The following CNGB1 variants were observed in gnomAD, a reference collection of about 807,000 sequenced individuals.
The protein encoded by CNGB1 is cyclic nucleotide gated channel subunit beta 1, also known as cyclic nucleotide-gated channel beta-1.
A neutral mutation model predicts 151.7 loss-of-function variants in CNGB1; 126 were observed. That is an observed-to-expected ratio of 0.83 (90% CI 0.72 to 0.96). CNGB1 has a LOEUF of 0.96. Ranked by LOEUF, CNGB1 falls within the 40% of genes least tolerant of loss-of-function variation. CNGB1 has a pLI of 0.00. For synonymous variants in CNGB1, 623 were observed against 635.1 expected (o/e 0.98, Z 0.29); for missense variants, 1,698 against 1,627.0 (o/e 1.04, Z -0.75).
At chr16:57,933,152 T>C (rs887662886) in intron 16 of CNGB1, among the ~76,000 whole-genome samples, 4 of 152,080 alleles carry the variant, frequency 2.6e-5, no homozygotes, top group Non-Finnish European at 5.9e-5. Flanking sequence ...GGTCTCGAAC[T>C]CCTGAGCTCA....
chr16:57,967,083 T>C lies in CNGB1; in HGVS notation c.159+45A>G, dbSNP rs201025442. 1.6e-3 allele frequency: 2,545 copies of C among 1,613,528 alleles called. 5 individuals are homozygous for C. The highest frequency in any genetic ancestry group is 2.0e-3 in the Non-Finnish European group (2,393 of 1,179,886). On this transcript the variant is annotated intron_variant, in intron 2 of 32. Transcript: ENST00000251102. ...CAGATGGCCCAAACTGGGAAGACCC[T>C]GAGCAGCGAGGCCGGCCTGCCCCTC...
At chr16:57,905,859 T>C (rs1394518654) in intron 25 of CNGB1, among the ~76,000 whole-genome samples, 1 of 152,230 alleles carries the variant, frequency 6.6e-6, no homozygotes, top group Admixed American at 6.5e-5. Context: ...ATCTTGGACT[T>C]CCCAGCTTCC....
rs539304668 is a variant in CNGB1 at position 57,897,504 on chromosome 16, G to C, written c.3135C>G (p.Asn1045Lys). ...AVGGGNRRTA[N>K]VVAHGFTNLF... ...GGTTGGTAAACCCGTGCGCCACCAC[G>C]TTGGCCGTGCGCCGGTTCCCGCCCC... The change falls in exon 31 of 33, where the codon AAC becomes AAG. Residue 1045 changes from asparagine to lysine, a missense_variant. Asn to Lys is a moderately conservative substitution (Grantham distance 94, BLOSUM62 0). Transcript: ENST00000251102. 2 of 1,614,006 alleles carry C rather than the reference G, an allele frequency of 1.2e-6. No individual in the cohort carries two copies. Among genetic ancestry groups the C allele is most frequent in the African/African-American group, 1.3e-5 (1 of 74,912 alleles).
intron 17 of CNGB1, 23 bp from the exon 18 acceptor site, chr16:57,923,403 G>A (rs1961102072): frequency 6.3e-7 from 1 of 1,594,190 alleles, no homozygotes; most frequent in Non-Finnish European, 8.6e-7. Flanking sequence ...AGATGTGGAA[G>A]GGGCCTTCAG....
rs566491938 is a variant in CNGB1 at position 57,884,692 on chromosome 16, G to C, written c.3463-235C>G. 2.4e-4 allele frequency among the ~76,000 whole-genome samples: 36 copies of C among 152,238 alleles called. 1 individual carries two copies. In the South Asian group the frequency reaches 7.5e-3, roughly 32 times the overall value. On this transcript the variant is annotated intron_variant, in intron 32 of 32. Coordinates refer to ENST00000251102, the MANE Select transcript of CNGB1 (RefSeq NM_001297.5). Reference sequence around the variant, plus strand: ...CCGGTTGGATTTCGTGGAAAGTCTTGGGATGTCTTAGATCTAGGCTGTGGG... The same window carrying C: ...CCGGTTGGATTTCGTGGAAAGTCTTCGGATGTCTTAGATCTAGGCTGTGGG...
chr16:57,930,289 G>A (rs1206414956), intron 17 of CNGB1, among the ~76,000 whole-genome samples: 2 of 152,084 alleles, frequency 1.3e-5, no homozygotes, highest in African/African-American at 2.4e-5. Flanking sequence ...TCGAGCTCAG[G>A]AGTTTGAGAC....
In CNGB1 at chr16:57,963,082, A is replaced by G; in HGVS notation, c.291-18T>C. 6.3e-7 allele frequency: 1 copy of G among 1,592,252 alleles called. No homozygotes were observed. The highest frequency in any genetic ancestry group is 8.6e-7 in the Non-Finnish European group (1 of 1,162,218). On this transcript the variant is annotated intron_variant, in intron 4 of 32. Transcript: ENST00000251102. Reference sequence around the variant, plus strand: ...GGCTGGGACTGCGATGGACAGAGACACCAGCCCGCCCTCAACTTCCCCTAG... The same window carrying G: ...GGCTGGGACTGCGATGGACAGAGACGCCAGCCCGCCCTCAACTTCCCCTAG...
chr16:57,968,207 A>G (rs1962448215), intron 1 of CNGB1, among the ~76,000 whole-genome samples: 1 of 152,140 alleles, frequency 6.6e-6, no homozygotes, highest in Non-Finnish European at 1.5e-5. Flanking sequence ...GATAAGTGTA[A>G]CATACTCAGG....
chr16:57,918,991 G>A, intron 20 of CNGB1, 108 bp downstream of exon 20: 3 of 1,568,088 alleles, frequency 1.9e-6, no homozygotes, highest in Non-Finnish European at 2.6e-6. Flanking sequence ...CAGGTTGTCT[G>A]TGGCCTCCCA....
chr16:57,903,185 C>CTTTTT (rs60099371), intron 27 of CNGB1, among the ~76,000 whole-genome samples: 6 of 122,684 alleles, frequency 4.9e-5, no homozygotes, highest in South Asian at 2.8e-4. Context: ...GTCCTTCTTC[C>CTTTTT]TTTTTTTTTT....
At chr16:57,950,561 GC>G (rs767334845) in intron 12 of CNGB1, 21 bp from the exon 13 acceptor site, 1 of 1,613,860 alleles carries the variant, frequency 6.2e-7, no homozygotes, top group African/African-American at 1.3e-5. Flanking sequence ...CACAGGAAGA[GC>G]CATTTATGGG....
chr16:57,900,632 G>A (rs1038253013), intron 29 of CNGB1, among the ~76,000 whole-genome samples: 1 of 152,068 alleles, frequency 6.6e-6, no homozygotes, highest in Non-Finnish European at 1.5e-5. Flanking sequence ...GAGCAGGGAG[G>A]GGGTTCTAGG....
rs747921487 is a variant in CNGB1, at chr16:57,911,775, C to T, written c.2470G>A (p.Val824Ile). The change falls in exon 25 of 33, where the codon GTT (valine) becomes ATT (isoleucine). Residue 824 changes from valine to isoleucine, a missense_variant. By Grantham distance (29) the Val-to-Ile change is conservative. Transcript: ENST00000251102. The part of the protein sequence containing the change: ...AYQGLGSTHW[V>I]YDGVGNSYIR... ...CACCTGTTTCCCACGCCATCGTAAA[C>T]CCAGTGAGTGGAGCCGAGGCCCTGA... The T allele has an allele frequency of 8.7e-6, 14 of 1,614,092 alleles. No individual in the cohort carries two copies. In the South Asian group the frequency reaches 1.4e-4, roughly 16 times the overall value.
At chr16:57,945,970 C>T (rs950655079) in intron 14 of CNGB1, among the ~76,000 whole-genome samples, 4 of 152,192 alleles carry the variant, frequency 2.6e-5, no homozygotes, top group Non-Finnish European at 5.9e-5. Context: ...CCAGTGGTGG[C>T]GCTGTCAGCA....
At chr16:57,904,650 G>A (rs927674530) in intron 26 of CNGB1, 84 bp downstream of exon 26, 300 of 1,589,192 alleles carry the variant, frequency 1.9e-4, no homozygotes, top group Non-Finnish European at 2.5e-4. Flanking sequence ...AAAAGCAACG[G>A]GCACAGAGGG....
At chr16:57,913,140 C>A (rs1021333358) in intron 23 of CNGB1, 146 bp from the exon 24 acceptor site, 1 of 698,550 alleles carries the variant, frequency 1.4e-6, no homozygotes, top group East Asian at 2.7e-5. Context: ...AAGTCCTCAG[C>A]CCCTTGACGG....
rs1365159062 is a variant in CNGB1 at position 57,960,098 on chromosome 16, C to T, written c.584-33G>A. 29 of 1,537,686 alleles carry T rather than the reference C, an allele frequency of 1.9e-5. 1 individual carries two copies. The Admixed American group carries it at 5.7e-4, about 30-fold the overall frequency. On this transcript the variant is annotated intron_variant, in intron 9 of 32. Coordinates refer to ENST00000251102, the MANE Select transcript of CNGB1 (RefSeq NM_001297.5). ...GCGGGGAAAGCAGGAGCTAGAGACG[C>T]CATCCCTTGAGGGCTTCCTCCAACC...
At position 57,949,340 on chromosome 16, in the gene CNGB1, GCAAATGACTTA is replaced by G; in HGVS notation, c.1121+2_1121+12del. ...CCCAGGGCCGTTCCCAGACAGGTGA[GCAAATGACTTA>G]CTCAGTCACCTCCTCCTCTTCCTCC... On this transcript the variant is annotated splice_donor_variant and splice_donor_5th_base_variant and intron_variant, in intron 14 of 32. Coordinates refer to ENST00000251102, the MANE Select transcript of CNGB1 (RefSeq NM_001297.5). LOFTEE classifies it high-confidence loss of function. 1 of 1,607,956 alleles carries G rather than the reference GCAAATGACTTA, an allele frequency of 6.2e-7. No individual in the cohort carries two copies.
intron 19 of CNGB1, 78 bp downstream of exon 19, chr16:57,920,309 T>G: frequency 6.5e-7 from 1 of 1,543,986 alleles, no homozygotes; most frequent in African/African-American, 1.4e-5. Flanking sequence ...GGGGCCACCC[T>G]TGCCATGAGT....
Sources: gnomAD v4.1 joint callset for allele counts (sites outside exome capture counted in the v4.1 genomes callset) on GRCh38, gnomAD v4.1.1 for gene constraint, MANE v1.5 for transcripts, NCBI Gene and HGNC (gene_info 2026-07-23, HGNC 2026-07-21) for gene names.